The following XPO4 variants were observed in gnomAD, a reference collection of about 807,000 sequenced individuals.
The protein encoded by XPO4 is exportin-4.
Under a neutral mutation model 143.0 loss-of-function variants are expected in XPO4, and 39 were observed. The observed-to-expected ratio is 0.27, with a 90% CI of 0.21 to 0.36. The LOEUF is 0.36. Among genes scored for constraint, XPO4 ranks in the 10% least tolerant of loss-of-function variants. XPO4 has a pLI of 1.00. For missense variants in XPO4, 907 were observed against 1,348.0 expected, an observed-to-expected ratio of 0.67 and a Z score of 5.12; for synonymous variants, 439 against 474.0, an observed-to-expected ratio of 0.93 and a Z score of 0.96.
At chr13:20,860,257 A>C (rs1018760882) in intron 3 of XPO4, among the ~76,000 whole-genome samples, 4 of 152,248 alleles carry the variant, frequency 2.6e-5, no homozygotes, top group Non-Finnish European at 2.9e-5. Flanking sequence ...TTTTAGGCCT[A>C]GAGGCCAAAA....
intron 2 of XPO4, among the ~76,000 whole-genome samples, chr13:20,867,499 A>C (rs1183925965): frequency 1.3e-5 from 2 of 152,248 alleles, no homozygotes; most frequent in East Asian, 3.8e-4. Flanking sequence ...CCATTAAGGC[A>C]AATGGTATCG....
At position 20,879,577 on chromosome 13, in the gene XPO4, C is replaced by T. The variant is rs1172946152; in HGVS notation, c.70-10876G>A. ...TTTCCAAGAGTTAACATATAAATTTCACTAAACACACGAGGAAATAAGCCA... is the reference window on the plus strand; with the variant it reads ...TTTCCAAGAGTTAACATATAAATTTTACTAAACACACGAGGAAATAAGCCA... On this transcript the variant is annotated intron_variant, in intron 1 of 22. Transcript: ENST00000255305. Among the ~76,000 whole-genome samples the T allele has an allele frequency of 2.6e-5, 4 of 152,164 alleles. No homozygotes were observed. In the East Asian group the frequency reaches 7.7e-4, roughly 29 times the overall value.
intron 4 of XPO4, chr13:20,851,562 A>C: frequency 1.8e-6 from 1 of 556,940 alleles, no homozygotes; most frequent in Non-Finnish European, 2.3e-6. Context: ...ACAAAAAATT[A>C]GCTCAGTGTG....
chr13:20,888,848 G>A (rs1222591169), intron 1 of XPO4, among the ~76,000 whole-genome samples: 1 of 150,948 alleles, frequency 6.6e-6, no homozygotes, highest in African/African-American at 2.4e-5. Flanking sequence ...TGTTGCCCAA[G>A]CTGGAGTGCA....
chr13:20,788,752 A>G, intron 19 of XPO4, 136 bp from the exon 20 acceptor site: 1 of 855,982 alleles, frequency 1.2e-6, no homozygotes, highest in East Asian at 3.1e-5. Flanking sequence ...TATAGAAAAC[A>G]TGAAGACCAA....
chr13:20,815,320 CGAT>C (rs1353683562), intron 9 of XPO4, among the ~76,000 whole-genome samples: 2 of 152,016 alleles, frequency 1.3e-5, no homozygotes, highest in East Asian at 1.9e-4. Flanking sequence ...CTCTGGATGG[CGAT>C]GATGTGTCAA....
At chr13:20,883,664 G>A (rs1282601101) in intron 1 of XPO4, among the ~76,000 whole-genome samples, 4 of 152,122 alleles carry the variant, frequency 2.6e-5, no homozygotes, top group Admixed American at 2.6e-4. Context: ...TACCACCAAA[G>A]TACTCTTCCC....
At chr13:20,852,085 T>C (rs1455033159) in intron 4 of XPO4, 3 of 985,374 alleles carry the variant, frequency 3.0e-6, no homozygotes, top group Non-Finnish European at 3.6e-6. Flanking sequence ...AAGCTACTTG[T>C]AGGGGGTGAG....
At position 20,786,298 on chromosome 13, in the gene XPO4, CGT is replaced by C. The variant is rs761241079; in HGVS notation, c.3258+665_3258+666del. Among the ~76,000 whole-genome samples the C allele has an allele frequency of 1.7e-3, 128 of 73,272 alleles. 1 individual carries two copies. Among genetic ancestry groups the C allele is most frequent in the African/African-American group, 4.8e-3 (125 of 25,908 alleles). The allele number at this position is 73,272 out of a possible 152,430, so 48.1% of individuals were successfully genotyped here. A position where few individuals can be genotyped will look rare whatever the true frequency, so the allele number is the denominator to read the frequency against. ...ATGCTGGGAGGTATATATATATATACGTGTGTGTGTATATATATATATATATA... is the reference window on the plus strand; with the variant it reads ...ATGCTGGGAGGTATATATATATATACGTGTGTGTATATATATATATATATA... On this transcript the variant is annotated intron_variant, in intron 22 of 22. Transcript: ENST00000255305.
intron 2 of XPO4, among the ~76,000 whole-genome samples, chr13:20,868,169 A>T (rs1160242594): frequency 3.3e-5 from 4 of 119,746 alleles, no homozygotes; most frequent in South Asian, 2.8e-4. Context: ...CTAAATGGTT[A>T]AAAAAAAAAA....
chr13:20,807,412 A>G, intron 13 of XPO4, 45 bp downstream of exon 13: 3 of 1,548,360 alleles, frequency 1.9e-6, no homozygotes, highest in Non-Finnish European at 1.7e-6. Flanking sequence ...GAATTTATAA[A>G]ACAGTATAAA....
At chr13:20,856,261 A>G (rs970660569) in intron 3 of XPO4, 1 of 903,872 alleles carries the variant, frequency 1.1e-6, no homozygotes, top group Admixed American at 6.2e-5. Flanking sequence ...TTTAATGTGA[A>G]AAGGCAACAT....
chr13:20,864,796 T>A (rs919796552), intron 2 of XPO4, among the ~76,000 whole-genome samples: 1 of 152,048 alleles, frequency 6.6e-6, no homozygotes, highest in Non-Finnish European at 1.5e-5. Flanking sequence ...ATTCTTTTTC[T>A]TAGACCTCTG....
intron 1 of XPO4, among the ~76,000 whole-genome samples, chr13:20,872,338 T>C (rs1000517584): frequency 6.6e-6 from 1 of 152,170 alleles, no homozygotes; most frequent in Non-Finnish European, 1.5e-5. Context: ...TCATCTCACA[T>C]AACACGTTGC....
At chr13:20,826,453 T>C (rs898963910) in intron 7 of XPO4, among the ~76,000 whole-genome samples, 2 of 152,324 alleles carry the variant, frequency 1.3e-5, no homozygotes, top group South Asian at 2.1e-4. Flanking sequence ...CATAATAATA[T>C]GAAGACAGTA....
intron 18 of XPO4, among the ~76,000 whole-genome samples, chr13:20,795,587 C>T (rs1053728319): frequency 2.0e-5 from 3 of 152,164 alleles, no homozygotes; most frequent in African/African-American, 7.2e-5. Flanking sequence ...ACCAACAGGG[C>T]TTTCCAAGCC....
chr13:20,878,124 G>C (rs1205050724), intron 1 of XPO4, among the ~76,000 whole-genome samples: 1 of 152,132 alleles, frequency 6.6e-6, no homozygotes, highest in African/African-American at 2.4e-5. Context: ...TTGAAGCCAA[G>C]ATTGCATCAT....
chr13:20,813,873 G>A (rs1295914135), intron 9 of XPO4, among the ~76,000 whole-genome samples: 2 of 151,296 alleles, frequency 1.3e-5, no homozygotes, highest in South Asian at 2.1e-4. Context: ...CAGAAGAATC[G>A]CTTAAACCCG....
intron 21 of XPO4, 62 bp from the exon 22 acceptor site, chr13:20,787,119 C>G: frequency 7.5e-7 from 1 of 1,340,466 alleles, no homozygotes; most frequent in Non-Finnish European, 1.0e-6. Context: ...CCAGTCCCTC[C>G]CCAGTCCAAA....
Sources: allele counts gnomAD v4.1 joint callset (sites outside exome capture counted in the v4.1 genomes callset), GRCh38; gene constraint gnomAD v4.1.1; transcripts MANE v1.5; gene names NCBI Gene and HGNC (gene_info 2026-07-23, HGNC 2026-07-21).